DPP6: variants seen among roughly 807,000 people sequenced by gnomAD.
DPP6 encodes the protein dipeptidyl peptidase like 6, also known as A-type potassium channel modulatory protein DPP6.
Under a neutral mutation model 122.6 loss-of-function variants are expected in DPP6, and 69 were observed. The observed-to-expected ratio is 0.56, with a 90% CI of 0.46 to 0.69. The LOEUF (loss-of-function observed/expected upper bound fraction) is 0.69, where lower values mean the gene tolerates loss of function less well. DPP6 is among the 30% of genes least tolerant of loss of function. The pLI, the probability that DPP6 is intolerant of heterozygous loss-of-function variation, is 0.00. For missense variants in DPP6, 928 were observed against 1,116.9 expected (o/e 0.83, Z 2.41); for synonymous variants, 418 against 433.1 (o/e 0.97, Z 0.43).
chr7:154,485,129 A>C (rs1823672763), intron 3 of DPP6, among the ~76,000 whole-genome samples: 1 of 152,148 alleles, frequency 6.6e-6, no homozygotes, highest in Admixed American at 6.5e-5. Flanking sequence ...TTGGTACAGC[A>C]GCCTGTATCC....
intron 1 of DPP6, among the ~76,000 whole-genome samples, chr7:154,436,783 G>A (rs1239986781): frequency 1.3e-5 from 2 of 152,080 alleles, no homozygotes; most frequent in Admixed American, 6.6e-5. Context: ...CTCTCTCCCC[G>A]TTGAGTTATG....
At chr7:153,914,642 G>A (rs1467814729) in intron 1 of DPP6, among the ~76,000 whole-genome samples, 3 of 152,176 alleles carry the variant, frequency 2.0e-5, no homozygotes, top group African/African-American at 7.2e-5. Context: ...CATTTGGAAA[G>A]GAAACTTCAT....
exon 1 of DPP6, chr7:153,887,666 G>T: frequency 1.9e-6 from 3 of 1,613,846 alleles, no homozygotes; most frequent in Non-Finnish European, 2.5e-6. Flanking sequence ...CAGAAGTCGG[G>T]TTCGGACTTG....
chr7:154,555,610 G>T (rs904590358), intron 4 of DPP6, among the ~76,000 whole-genome samples: 1 of 151,308 alleles, frequency 6.6e-6, no homozygotes, highest in African/African-American at 2.4e-5. Context: ...AAAACTTAAA[G>T]TATAATAATA....
chr7:154,639,557 G>A (rs978820860), intron 6 of DPP6, among the ~76,000 whole-genome samples: 7 of 152,142 alleles, frequency 4.6e-5, no homozygotes, highest in South Asian at 2.1e-4. Flanking sequence ...GATGCCTAAC[G>A]TATTGTGTTA....
intron 6 of DPP6, among the ~76,000 whole-genome samples, chr7:154,642,458 C>T (rs1020921383): frequency 4.0e-5 from 6 of 151,760 alleles, no homozygotes; most frequent in East Asian, 3.9e-4. Flanking sequence ...GGCATGGTGG[C>T]GGGTACCTGT....
chr7:153,871,188 C>T, the DPP6 span, among the ~76,000 whole-genome samples: 24 of 152,300 alleles, frequency 1.6e-4, no homozygotes, highest in East Asian at 7.7e-4. Context: ...TGTCAGACAG[C>T]GACATTTAAG....
chr7:153,962,637 T>C (rs1274280987), intron 1 of DPP6, among the ~76,000 whole-genome samples: 1 of 152,144 alleles, frequency 6.6e-6, no homozygotes, highest in African/African-American at 2.4e-5. Context: ...AGAGACCCGA[T>C]GCTCAGGAAG....
At chr7:153,965,015 C>CCTTT in intron 1 of DPP6, among the ~76,000 whole-genome samples, 1 of 140,172 alleles carries the variant, frequency 7.1e-6, no homozygotes, top group Non-Finnish European at 1.5e-5. Flanking sequence ...TTCCTTCCTT[C>CCTTT]CTTCCTTCCT....
At chr7:153,972,921 A>C (rs555599066) in intron 1 of DPP6, among the ~76,000 whole-genome samples, 1 of 151,998 alleles carries the variant, frequency 6.6e-6, no homozygotes, top group Non-Finnish European at 1.5e-5. Context: ...ATTTATTTAA[A>C]AAGAGGGAGG....
At chr7:154,867,786 C>T (rs79756224) in intron 17 of DPP6, among the ~76,000 whole-genome samples, 1 of 152,224 alleles carries the variant, frequency 6.6e-6, no homozygotes, top group African/African-American at 2.4e-5. Flanking sequence ...TTTAATCCAC[C>T]CAAATTCCAG....
intron 9 of DPP6, among the ~76,000 whole-genome samples, chr7:154,772,247 C>T (rs993633549): frequency 6.6e-6 from 1 of 152,200 alleles, no homozygotes; most frequent in African/African-American, 2.4e-5. Context: ...GCCTGACATG[C>T]CCTGTCGTGG....
chr7:153,795,251 C>G, the DPP6 span, among the ~76,000 whole-genome samples: 1 of 152,174 alleles, frequency 6.6e-6, no homozygotes, highest in Non-Finnish European at 1.5e-5. Context: ...CCCGTCTCTA[C>G]TAAAATACGA....
intron 1 of DPP6, among the ~76,000 whole-genome samples, chr7:154,362,868 C>T (rs1477050118): frequency 6.6e-6 from 1 of 152,194 alleles, no homozygotes; most frequent in Non-Finnish European, 1.5e-5. Flanking sequence ...CCCTGCTCCA[C>T]TACATCAGCA....
rs928130729 is a variant in DPP6 at position 154,067,406 on chromosome 7, C to T, written c.243+14343C>T. ...TCTTGAAGAGTTAATGGGAGATAAC[C>T]TTGAGAAGGAGGAGAAAGCTATCTC... On this transcript the variant is annotated intron_variant, in intron 1 of 25. Transcript: ENST00000377770. Among the ~76,000 whole-genome samples the T allele has an allele frequency of 1.6e-3, 241 of 150,276 alleles. 1 individual carries two copies. Among genetic ancestry groups the T allele is most frequent in the Non-Finnish European group, 9.5e-4 (64 of 67,634 alleles).
intron 1 of DPP6, among the ~76,000 whole-genome samples, chr7:154,377,720 C>G (rs114100845): frequency 0.037 from 5,697 of 152,244 alleles, 341 homozygotes; most frequent in African/African-American, 0.13. Context: ...CTGAGGCCTC[C>G]CCAGCCGTGT....
chr7:154,724,680 C>T (rs1004615502), intron 7 of DPP6, among the ~76,000 whole-genome samples: 5 of 152,054 alleles, frequency 3.3e-5, no homozygotes, highest in African/African-American at 1.2e-4. Flanking sequence ...CCATCTTGCC[C>T]CTCCTGTATG....
intron 7 of DPP6, among the ~76,000 whole-genome samples, chr7:154,691,683 G>A (rs1839938787): frequency 3.3e-5 from 5 of 152,062 alleles, no homozygotes; most frequent in African/African-American, 1.2e-4. Context: ...GCCAGGCATG[G>A]TGGTGCACAC....
chr7:154,460,631 A>G (rs929428289), intron 2 of DPP6, among the ~76,000 whole-genome samples: 2 of 152,170 alleles, frequency 1.3e-5, no homozygotes, highest in African/African-American at 4.8e-5. Flanking sequence ...CTTTAATAAA[A>G]TCTCTCATCA....
Sources: gnomAD v4.1 joint callset for allele counts (sites outside exome capture counted in the v4.1 genomes callset) on GRCh38, gnomAD v4.1.1 for gene constraint, MANE v1.5 for transcripts, NCBI Gene and HGNC (gene_info 2026-07-23, HGNC 2026-07-21) for gene names.